Variants in CADPS observed in about 807,000 individuals in gnomAD.
The protein encoded by CADPS is calcium dependent secretion activator, also known as calcium-dependent secretion activator 1.
A neutral mutation model predicts 167.3 loss-of-function variants in CADPS; 57 were observed. That is an observed-to-expected ratio of 0.34 (90% CI 0.28 to 0.42). The LOEUF (loss-of-function observed/expected upper bound fraction) is 0.42. Among genes scored for constraint, CADPS ranks in the 20% least tolerant of loss-of-function variants. The probability of loss-of-function intolerance (pLI) is 1.00; values close to 1 mark genes in which losing one functional copy is unlikely to be tolerated. For synonymous variants in CADPS, 676 were observed against 635.3 expected, an observed-to-expected ratio of 1.06 and a Z score of -0.96; for missense variants, 1,414 against 1,738.1, an observed-to-expected ratio of 0.81 and a Z score of 3.32.
chr3:62,478,224 G>C lies in CADPS; in HGVS notation c.3329+37C>G. 2 of 1,607,994 alleles carry C rather than the reference G, an allele frequency of 1.2e-6. No homozygotes were observed. Among genetic ancestry groups the C allele is most frequent in the Non-Finnish European group, 8.5e-7 (1 of 1,175,382 alleles). On this transcript the variant is annotated intron_variant, in intron 23 of 29. Transcript: ENST00000383710. This position sits in a 1 kb window ranked among gnomAD's most constrained non-coding sequence, Gnocchi z 5.7. Reference sequence around the variant, plus strand: ...CTTCCCTGAGTCTGTGTATGGTGGGGAGGGTGTGCAGAACCTGTCCAGCCA... The same window carrying C: ...CTTCCCTGAGTCTGTGTATGGTGGGCAGGGTGTGCAGAACCTGTCCAGCCA...
At chr3:62,799,293 C>T (rs907046665) in intron 1 of CADPS, among the ~76,000 whole-genome samples, 31 of 152,044 alleles carry the variant, frequency 2.0e-4, no homozygotes, top group African/African-American at 6.0e-4. Context: ...CTTTTGTAGC[C>T]GAGGGTGCCT....
intron 1 of CADPS, among the ~76,000 whole-genome samples, chr3:62,859,309 A>G (rs2080312832): frequency 6.6e-6 from 1 of 152,186 alleles, no homozygotes; most frequent in Non-Finnish European, 1.5e-5. Flanking sequence ...TTCTTTAGTG[A>G]TAAGTAATGG....
At chr3:62,859,945 G>C (rs2153172836) in intron 1 of CADPS, among the ~76,000 whole-genome samples, 1 of 152,054 alleles carries the variant, frequency 6.6e-6, no homozygotes, top group East Asian at 1.9e-4. Context: ...CCTCTGCCTT[G>C]GTTTAGTGTT....
At chr3:62,869,034 T>G (rs2153220370) in intron 1 of CADPS, among the ~76,000 whole-genome samples, 1 of 152,152 alleles carries the variant, frequency 6.6e-6, no homozygotes, top group African/African-American at 2.4e-5. Context: ...AGAGCAGAAG[T>G]GTTTTGAATT....
rs1481930149 is a variant in CADPS, at chr3:62,402,515, C to A, written c.3882+566G>T. The stretch of plus-strand genomic sequence containing the variant: ...AATTATCATTAGTCCAAGGTGCACA[C>A]ACAAGAACAAGGGAAAAAGCTACTT... On this transcript the variant is annotated intron_variant, in intron 29 of 29. Transcript: ENST00000383710. Among the ~76,000 whole-genome samples the A allele has an allele frequency of 6.6e-5, 10 of 152,250 alleles. No individual in the cohort carries two copies. The East Asian group carries it at 1.9e-3, about 29-fold the overall frequency.
chr3:62,846,964 G>A (rs2077552819), intron 1 of CADPS, among the ~76,000 whole-genome samples: 1 of 152,156 alleles, frequency 6.6e-6, no homozygotes, highest in South Asian at 2.1e-4. Context: ...CACTCGCCCG[G>A]CTGGAGGTGG....
At chr3:62,782,032 T>A (rs1381936241) in intron 1 of CADPS, among the ~76,000 whole-genome samples, 1 of 152,186 alleles carries the variant, frequency 6.6e-6, no homozygotes, top group African/African-American at 2.4e-5. Context: ...CCACACTCAG[T>A]TGACATCTGC....
intron 1 of CADPS, among the ~76,000 whole-genome samples, chr3:62,798,081 A>T (rs1036425303): frequency 2.6e-5 from 4 of 152,200 alleles, no homozygotes; most frequent in African/African-American, 7.2e-5. Context: ...ACAAGTAAGC[A>T]TTAAATAAAC....
At chr3:62,630,026 G>C (rs1412761813) in intron 6 of CADPS, among the ~76,000 whole-genome samples, 1 of 151,846 alleles carries the variant, frequency 6.6e-6, no homozygotes, top group Non-Finnish European at 1.5e-5. Context: ...AGAATTCATT[G>C]GTGTCTTAAA....
At chr3:62,482,811 GCT>G (rs931666752) in intron 21 of CADPS, among the ~76,000 whole-genome samples, 3 of 152,164 alleles carry the variant, frequency 2.0e-5, no homozygotes, top group Admixed American at 1.3e-4. Context: ...AATTAATCAA[GCT>G]CTGTATTTTT....
intron 1 of CADPS, among the ~76,000 whole-genome samples, chr3:62,849,823 T>A (rs1330573200): frequency 1.5e-4 from 18 of 118,628 alleles, no homozygotes; most frequent in African/African-American, 5.7e-4. Flanking sequence ...CCTCTTTTTC[T>A]ATTGATTGGA....
chr3:62,759,673 T>A (rs147362296), intron 2 of CADPS, among the ~76,000 whole-genome samples: 2,965 of 152,194 alleles, frequency 0.019, 50 homozygotes, highest in South Asian at 0.061. Context: ...ATAGTTATCT[T>A]GACATGCATA....
intron 6 of CADPS, among the ~76,000 whole-genome samples, chr3:62,633,116 C>T (rs932150784): frequency 2.6e-5 from 4 of 152,138 alleles, no homozygotes; most frequent in Admixed American, 2.6e-4. Flanking sequence ...GTGTTGTCTG[C>T]TGCTAGAATG....
intron 24 of CADPS, chr3:62,473,643 T>C (rs558625368): frequency 1.2e-4 from 19 of 152,328 alleles, no homozygotes; most frequent in African/African-American, 4.3e-4. Context: ...TCAGGAAAGA[T>C]TCATGATCAA....
chr3:62,585,112 T>C (rs1424967768), intron 8 of CADPS, 73 bp downstream of exon 8: 32 of 1,395,750 alleles, frequency 2.3e-5, no homozygotes, highest in Non-Finnish European at 3.1e-5. Flanking sequence ...AGATCTTGTG[T>C]TTATTTTTGT....
intron 28 of CADPS, among the ~76,000 whole-genome samples, chr3:62,407,423 G>C (rs1182252563): frequency 6.6e-6 from 1 of 152,170 alleles, no homozygotes; most frequent in Non-Finnish European, 1.5e-5. Context: ...TATTGACCTA[G>C]ATTTACGTCT....
rs1439785283 is a variant in CADPS at position 62,602,675 on chromosome 3, G to T, written c.1326-9927C>A. On this transcript the variant is annotated intron_variant, in intron 6 of 29. Transcript: ENST00000383710. This position sits in a 1 kb window ranked among gnomAD's most constrained non-coding sequence, Gnocchi z 4.4. ...GCTACCTCTCATCTACATAAGTGAGGCGTTTGCTTTGTAGAAATTGGGCTG... is the reference window on the plus strand; with the variant it reads ...GCTACCTCTCATCTACATAAGTGAGTCGTTTGCTTTGTAGAAATTGGGCTG... Among the ~76,000 whole-genome samples, 1 of 152,124 alleles carries T rather than the reference G, an allele frequency of 6.6e-6. No individual in the cohort carries two copies. The highest frequency in any genetic ancestry group is 1.5e-5 in the Non-Finnish European group (1 of 68,036).
chr3:62,689,898 A>G (rs1444459847), intron 3 of CADPS, among the ~76,000 whole-genome samples: 1 of 152,050 alleles, frequency 6.6e-6, no homozygotes, highest in African/African-American at 2.4e-5. Flanking sequence ...AGGAGAAAAC[A>G]GGAAAAGCAA....
chr3:62,784,178 T>C (rs1409574198), intron 1 of CADPS, among the ~76,000 whole-genome samples: 1 of 152,216 alleles, frequency 6.6e-6, no homozygotes, highest in Non-Finnish European at 1.5e-5. Flanking sequence ...TGGCCATAGA[T>C]GGTTTAAGAA....
Sources: gnomAD v4.1 joint callset for allele counts (sites outside exome capture counted in the v4.1 genomes callset) on GRCh38, gnomAD v4.1.1 for gene constraint, Gnocchi (gnomAD v3.1) non-coding constraint, MANE v1.5 for transcripts, NCBI Gene and HGNC (gene_info 2026-07-23, HGNC 2026-07-21) for gene names.